The following SORCS2 variants were observed in gnomAD, a reference collection of about 807,000 sequenced individuals.
SORCS2 encodes the protein VPS10 domain-containing receptor SorCS2.
SORCS2 carries 100 observed loss-of-function variants against 141.6 expected under a neutral mutation model. The observed-to-expected ratio is 0.71, with a 90% CI of 0.60 to 0.83. The LOEUF is 0.83. Among genes scored for constraint, SORCS2 ranks in the 40% least tolerant of loss-of-function variants. The pLI is 0.00. For synonymous variants in SORCS2, 789 were observed against 676.9 expected (o/e 1.17, Z -2.57); for missense variants, 1,646 against 1,560.2 (o/e 1.05, Z -0.93).
intron 2 of SORCS2, among the ~76,000 whole-genome samples, chr4:7,423,821 A>G (rs1297311469): frequency 1.3e-5 from 2 of 152,200 alleles, no homozygotes; most frequent in African/African-American, 4.8e-5. Flanking sequence ...AGGAAAACAA[A>G]CAAACAAACC....
At chr4:7,532,767 A>G (rs1374087372) in intron 3 of SORCS2, among the ~76,000 whole-genome samples, 1 of 151,590 alleles carries the variant, frequency 6.6e-6, no homozygotes, top group Non-Finnish European at 1.5e-5. Flanking sequence ...ACGTTTGTTC[A>G]TGGGATGTCC....
At chr4:7,738,246 C>G (rs1009455390) in intron 26 of SORCS2, among the ~76,000 whole-genome samples, 2 of 152,258 alleles carry the variant, frequency 1.3e-5, no homozygotes, top group South Asian at 4.1e-4. Context: ...GCCTGTGCTG[C>G]CAGGGCCGTG....
chr4:7,490,389 G>T (rs1427717668), intron 2 of SORCS2, among the ~76,000 whole-genome samples: 2 of 152,110 alleles, frequency 1.3e-5, no homozygotes, highest in Non-Finnish European at 2.9e-5. Context: ...CTTGAGGGAA[G>T]GGCAGAGCTG....
intron 3 of SORCS2, among the ~76,000 whole-genome samples, chr4:7,566,307 T>A (rs1715009246): frequency 6.6e-6 from 1 of 151,162 alleles, no homozygotes; most frequent in South Asian, 2.1e-4. Context: ...GTGATGGTGA[T>A]GATGGTGATA....
intron 3 of SORCS2, among the ~76,000 whole-genome samples, chr4:7,632,810 C>T (rs1719983480): frequency 6.6e-6 from 1 of 152,150 alleles, no homozygotes; most frequent in African/African-American, 2.4e-5. Context: ...GAAGCAGACC[C>T]ACCAAGAGGA....
chr4:7,705,584 A>T (rs1207037892), intron 14 of SORCS2, among the ~76,000 whole-genome samples: 1 of 152,222 alleles, frequency 6.6e-6, no homozygotes, highest in African/African-American at 2.4e-5. Context: ...AGAGCTGGGC[A>T]CTGTGCCCCT....
intron 2 of SORCS2, among the ~76,000 whole-genome samples, chr4:7,418,631 C>T (rs1203110146): frequency 1.3e-5 from 2 of 152,122 alleles, no homozygotes; most frequent in South Asian, 2.1e-4. Context: ...GGAAGCTGTG[C>T]CCTCTGCGGG....
At chr4:7,465,148 T>C (rs1231724999) in intron 2 of SORCS2, among the ~76,000 whole-genome samples, 2 of 152,232 alleles carry the variant, frequency 1.3e-5, no homozygotes, top group African/African-American at 2.4e-5. Context: ...AGGCCCAGGA[T>C]GCTCTGCTGG....
intron 1 of SORCS2, among the ~76,000 whole-genome samples, chr4:7,316,092 A>G (rs367954926): frequency 1.5e-4 from 22 of 151,270 alleles, no homozygotes; most frequent in African/African-American, 3.9e-4. Context: ...CCATCCATCT[A>G]TCCATCCATC....
chr4:7,703,671 T>C (rs942335827), intron 13 of SORCS2, among the ~76,000 whole-genome samples: 1 of 151,980 alleles, frequency 6.6e-6, no homozygotes, highest in Non-Finnish European at 1.5e-5. Flanking sequence ...AGTGCAGGGA[T>C]TGGGACCAGG....
At position 7,635,646 on chromosome 4, in the gene SORCS2, C is replaced by T. The variant is rs563813060; in HGVS notation, c.649-2682C>T. On this transcript the variant is annotated intron_variant, in intron 3 of 26. Coordinates refer to ENST00000507866, the MANE Select transcript of SORCS2 (RefSeq NM_020777.3). Reference sequence around the variant, plus strand: ...TTCATGAGCACATAAGCTCCCCAGTCGTTAGCTGTTCTTTGCCAACGTTAT... The same window carrying T: ...TTCATGAGCACATAAGCTCCCCAGTTGTTAGCTGTTCTTTGCCAACGTTAT... 1.2e-4 allele frequency among the ~76,000 whole-genome samples: 18 copies of T among 152,326 alleles called. No homozygotes were observed. The East Asian group carries it at 1.4e-3, about 11-fold the overall frequency.
At chr4:7,260,333 C>CACTT (rs990020403) in intron 1 of SORCS2, among the ~76,000 whole-genome samples, 2 of 152,192 alleles carry the variant, frequency 1.3e-5, no homozygotes, top group African/African-American at 4.8e-5. Flanking sequence ...AGAGGAGCCA[C>CACTT]ACTTACTCTC....
chr4:7,436,280 C>T (rs1727293925), intron 2 of SORCS2, among the ~76,000 whole-genome samples: 1 of 152,206 alleles, frequency 6.6e-6, no homozygotes, highest in Non-Finnish European at 1.5e-5. Context: ...TTGGCTCAGC[C>T]AAGCACGTGT....
chr4:7,523,695 T>C (rs113602161), intron 2 of SORCS2, among the ~76,000 whole-genome samples: 6,083 of 152,254 alleles, frequency 0.04, 187 homozygotes, highest in South Asian at 0.1. Context: ...TCAGTGTCCC[T>C]GCCCACAGGC....
chr4:7,447,267 A>T (rs1178805210), intron 2 of SORCS2, among the ~76,000 whole-genome samples: 1 of 152,050 alleles, frequency 6.6e-6, no homozygotes, highest in African/African-American at 2.4e-5. Context: ...CTGAGAGTGG[A>T]TCATGTCATC....
At chr4:7,537,730 G>T (rs958358009) in intron 3 of SORCS2, among the ~76,000 whole-genome samples, 2 of 152,166 alleles carry the variant, frequency 1.3e-5, no homozygotes, top group African/African-American at 2.4e-5. Context: ...AAGGGCGGCC[G>T]GATGCAGTGT....
chr4:7,643,595 C>T (rs1295475815), intron 4 of SORCS2, among the ~76,000 whole-genome samples: 2 of 152,096 alleles, frequency 1.3e-5, no homozygotes. Flanking sequence ...CGAACAGGGG[C>T]TTAAAGAATG....
chr4:7,668,543 A>T (rs1722627975), intron 8 of SORCS2, among the ~76,000 whole-genome samples: 1 of 152,176 alleles, frequency 6.6e-6, no homozygotes, highest in Non-Finnish European at 1.5e-5. Context: ...AAGTGCTTGC[A>T]CATGGGAGCT....
At chr4:7,654,769 T>C (rs1391993925) in intron 5 of SORCS2, among the ~76,000 whole-genome samples, 1 of 152,114 alleles carries the variant, frequency 6.6e-6, no homozygotes, top group African/African-American at 2.4e-5. Flanking sequence ...ATGAGCAGGA[T>C]AAGTTTGGGG....
Sources: allele counts gnomAD v4.1 joint callset (sites outside exome capture counted in the v4.1 genomes callset), GRCh38; gene constraint gnomAD v4.1.1; transcripts MANE v1.5; gene names NCBI Gene and HGNC (gene_info 2026-07-23, HGNC 2026-07-21).